XKR6: variants seen among roughly 807,000 people sequenced by gnomAD.
The protein encoded by XKR6 is XK-related protein 6.
A neutral mutation model predicts 56.7 loss-of-function variants in XKR6; 22 were observed. That is an observed-to-expected ratio of 0.39 (90% CI 0.28 to 0.55). The LOEUF (loss-of-function observed/expected upper bound fraction) is 0.55, where lower values mean the gene tolerates loss of function less well. XKR6 is among the 20% of genes least tolerant of loss of function. XKR6 has a pLI of 0.66. For synonymous variants in XKR6, 524 were observed against 387.8 expected (o/e 1.35, Z -4.13); for missense variants, 852 against 889.0 (o/e 0.96, Z 0.53).
chr8:10,909,067 G>A (rs1267885954), intron 2 of XKR6, among the ~76,000 whole-genome samples: 1 of 152,116 alleles, frequency 6.6e-6, no homozygotes, highest in Non-Finnish European at 1.5e-5. Context: ...TTGGGAGGCT[G>A]AGGCAGGAGA....
At chr8:11,160,911 C>CAAAAAAAA (rs33931830) in intron 1 of XKR6, among the ~76,000 whole-genome samples, 6 of 63,780 alleles carry the variant, frequency 9.4e-5, no homozygotes, top group Admixed American at 2.0e-4. Context: ...GACTCCGTCT[C>CAAAAAAAA]AAAAAAAAAA....
At chr8:11,016,290 G>A (rs1798620246) in intron 1 of XKR6, among the ~76,000 whole-genome samples, 1 of 152,296 alleles carries the variant, frequency 6.6e-6, no homozygotes, top group South Asian at 2.1e-4. Flanking sequence ...CCTGGATGGG[G>A]AGGGTCTGGG....
intron 1 of XKR6, among the ~76,000 whole-genome samples, chr8:11,070,249 A>G (rs910482016): frequency 1.3e-5 from 2 of 152,216 alleles, no homozygotes; most frequent in Admixed American, 6.5e-5. Flanking sequence ...ATGTTTTTGT[A>G]GAACATGGAT....
At position 10,924,741 on chromosome 8, in the gene XKR6, G is replaced by C. The variant is rs778704230; in HGVS notation, c.854C>G (p.Ala285Gly). Reference protein sequence around the residue: ...RFYWAMMYEYADVNMLRLLET... With the variant: ...RFYWAMMYEYGDVNMLRLLET... ...CAGGAGGCGCAGCATGTTGACGTCT[G>C]CATATTCATACATCATAGCCCAGTA... Residue 285 changes from alanine to glycine, a missense_variant, in exon 2 of 3, where the codon GCA becomes GGA. Physicochemically the swap from Ala to Gly is moderately conservative, Grantham distance 60. Coordinates refer to ENST00000416569, the MANE Select transcript of XKR6 (RefSeq NM_173683.4). The C allele has an allele frequency of 1.2e-6, 2 of 1,614,004 alleles. No homozygotes were observed. Among genetic ancestry groups the C allele is most frequent in the Non-Finnish European group, 1.7e-6 (2 of 1,180,002 alleles).
chr8:11,181,753 T>G lies in XKR6; in HGVS notation c.764+18823A>C, dbSNP rs77887927. ...TAATATCTAACATTCAGTACGTACT[T>G]ACTATATGCATCAAGCACTATTCTG... On this transcript the variant is annotated intron_variant, in intron 1 of 2. Coordinates refer to ENST00000416569, the MANE Select transcript of XKR6 (RefSeq NM_173683.4). Among the ~76,000 whole-genome samples the G allele has an allele frequency of 3.1e-3, 467 of 152,294 alleles. 8 individuals carry two copies. Among genetic ancestry groups the G allele is most frequent in the South Asian group, 0.022 (106 of 4,828 alleles).
intron 1 of XKR6, among the ~76,000 whole-genome samples, chr8:11,167,709 G>C (rs1273990646): frequency 6.6e-6 from 1 of 152,076 alleles, no homozygotes; most frequent in Non-Finnish European, 1.5e-5. Context: ...CTAGACACAA[G>C]TCTGGCTCAC....
intron 1 of XKR6, among the ~76,000 whole-genome samples, chr8:11,052,925 C>T (rs1444960255): frequency 1.3e-5 from 2 of 152,220 alleles, no homozygotes; most frequent in Non-Finnish European, 2.9e-5. Context: ...GGCACCTGCA[C>T]CGCTGAAGCC....
chr8:11,178,450 T>C (rs999236972), intron 1 of XKR6, among the ~76,000 whole-genome samples: 14 of 151,024 alleles, frequency 9.3e-5, no homozygotes, highest in South Asian at 2.1e-4. Flanking sequence ...TACATGCACA[T>C]TGAGGTTCAA....
At chr8:11,199,987 T>C (rs1050452397) in intron 1 of XKR6, among the ~76,000 whole-genome samples, 1 of 149,702 alleles carries the variant, frequency 6.7e-6, no homozygotes, top group Non-Finnish European at 1.5e-5. Flanking sequence ...AAAAAAAAAG[T>C]CTTTTTTCCT....
Position 10,970,038 on chromosome 8 carries a change from G to A in XKR6, c.765-45208C>T, listed in dbSNP as rs750734220. On this transcript the variant is annotated intron_variant, in intron 1 of 2. Transcript: ENST00000416569. ...TGATAAGTCGGAGCCCCAAATGCTC[G>A]CCACAGATGGGTGGCACTTGTGAAC... Among the ~76,000 whole-genome samples the A allele has an allele frequency of 7.2e-5, 11 of 152,312 alleles. No homozygotes were observed. In the East Asian group the frequency reaches 7.7e-4, roughly 11 times the overall value.
chr8:10,919,132 A>C (rs1040753571), intron 2 of XKR6, among the ~76,000 whole-genome samples: 1 of 152,014 alleles, frequency 6.6e-6, no homozygotes, highest in Non-Finnish European at 1.5e-5. Flanking sequence ...TCTCACCCCA[A>C]CTGCCAAGCT....
intron 1 of XKR6, among the ~76,000 whole-genome samples, chr8:10,994,969 G>A (rs934698230): frequency 9.2e-5 from 14 of 152,160 alleles, no homozygotes; most frequent in African/African-American, 3.4e-4. Flanking sequence ...TCTTAGCCAA[G>A]GCCACACAAA....
intron 1 of XKR6, among the ~76,000 whole-genome samples, chr8:11,101,675 G>T (rs1798490086): frequency 6.6e-6 from 1 of 152,224 alleles, no homozygotes; most frequent in African/African-American, 2.4e-5. Flanking sequence ...AGTCCTGGAA[G>T]ATGGAAGTGG....
chr8:11,178,576 A>ATATATATATATATATATG (rs1266024257), intron 1 of XKR6, among the ~76,000 whole-genome samples: 4,005 of 134,530 alleles, frequency 0.03, 147 homozygotes, highest in Non-Finnish European at 0.044. Flanking sequence ...ATATATATGT[A>ATATATATATATATATATG]TATATATATG....
chr8:11,107,505 T>C (rs533080308), intron 1 of XKR6, among the ~76,000 whole-genome samples: 8 of 152,278 alleles, frequency 5.3e-5, no homozygotes, highest in Admixed American at 1.3e-4. Flanking sequence ...TTTGACTCCT[T>C]TGTGCTCGAC....
intron 1 of XKR6, among the ~76,000 whole-genome samples, chr8:11,017,032 A>C (rs558693467): frequency 2.6e-5 from 4 of 152,366 alleles, no homozygotes; most frequent in East Asian, 3.9e-4. Context: ...ATTTGCATAC[A>C]TATGGATAGA....
At chr8:11,042,162 G>A (rs1799301737) in intron 1 of XKR6, among the ~76,000 whole-genome samples, 1 of 151,958 alleles carries the variant, frequency 6.6e-6, no homozygotes, top group East Asian at 1.9e-4. Flanking sequence ...ATCACAGCAG[G>A]ACTGTGGCAG....
chr8:11,069,423 G>C (rs1474336779), intron 1 of XKR6, among the ~76,000 whole-genome samples: 3 of 151,912 alleles, frequency 2.0e-5, no homozygotes, highest in Non-Finnish European at 2.9e-5. Context: ...GGCCCTCCCT[G>C]GAGCCTGGCC....
chr8:11,165,742 A>G (rs1802039922), intron 1 of XKR6, among the ~76,000 whole-genome samples: 1 of 152,164 alleles, frequency 6.6e-6, no homozygotes, highest in Non-Finnish European at 1.5e-5. Flanking sequence ...AACACCAGAA[A>G]GACACCATAC....
Sources: allele counts gnomAD v4.1 joint callset (sites outside exome capture counted in the v4.1 genomes callset), GRCh38; gene constraint gnomAD v4.1.1; transcripts MANE v1.5; gene names NCBI Gene and HGNC (gene_info 2026-07-23, HGNC 2026-07-21).